SRGAP2C: variants seen among roughly 807,000 people sequenced by gnomAD.
SRGAP2C encodes SLIT-ROBO Rho GTPase activating protein 2C.
SRGAP2C carries 15 observed loss-of-function variants against 25.1 expected under a neutral mutation model. That is an observed-to-expected ratio of 0.60 (90% CI 0.40 to 0.92). SRGAP2C has a LOEUF of 0.92. Ranked by LOEUF, SRGAP2C falls within the 40% of genes least tolerant of loss-of-function variation. The pLI is 0.00. For missense variants in SRGAP2C, 144 were observed against 264.4 expected, an observed-to-expected ratio of 0.54 and a Z score of 3.16; for synonymous variants, 44 against 96.6, an observed-to-expected ratio of 0.46 and a Z score of 3.19.
At chr1:121,335,147 G>A (rs1658483412) in intron 4 of SRGAP2C, among the ~76,000 whole-genome samples, 1 of 150,788 alleles carries the variant, frequency 6.6e-6, no homozygotes, top group South Asian at 2.1e-4. Flanking sequence ...ACAAAAATTA[G>A]CTGGGCATGG....
chr1:121,259,645 A>G (rs1366424732), intron 2 of SRGAP2C, among the ~76,000 whole-genome samples: 3 of 151,702 alleles, frequency 2.0e-5, no homozygotes, highest in Non-Finnish European at 4.4e-5. Flanking sequence ...ACTACTCTAG[A>G]TGCTTTATTT....
intron 2 of SRGAP2C, among the ~76,000 whole-genome samples, chr1:121,277,490 TC>T (rs1237692670): frequency 1.3e-5 from 2 of 150,174 alleles, no homozygotes; most frequent in Non-Finnish European, 3.0e-5. Context: ...CAAGCAGTCC[TC>T]CCATCTGGGC....
rs1255636766 is a variant in SRGAP2C, at chr1:121,389,313, AATC to A, written c.*1461_*1463del. 9.8e-5 allele frequency: 13 copies of A among 132,578 alleles called. No individual in the cohort carries two copies. The highest frequency in any genetic ancestry group is 3.4e-4 in the African/African-American group (12 of 35,114). 8.2% of individuals were successfully genotyped at this position (132,578 alleles called of 1,614,324 possible). A position where few individuals can be genotyped will look rare whatever the true frequency, so the allele number is the denominator to read the frequency against. ...CACCATCATCATTAATTTATTTATTAATCATTATTAAATTATTCATTGATCATT... is the reference window on the plus strand; with the variant it reads ...CACCATCATCATTAATTTATTTATTAATTATTAAATTATTCATTGATCATT... On this transcript the variant is annotated 3_prime_UTR_variant, in exon 10 of 10. Coordinates refer to ENST00000367123, the MANE Select transcript of SRGAP2C (RefSeq NM_001329984.2).
intron 2 of SRGAP2C, among the ~76,000 whole-genome samples, chr1:121,263,430 CA>C (rs1182973540): frequency 4.4e-4 from 39 of 87,978 alleles, no homozygotes; most frequent in Admixed American, 1.0e-3. Flanking sequence ...GACTCCGTCT[CA>C]AAAAAAAAAA....
chr1:121,228,894 G>T (rs1405890006), intron 2 of SRGAP2C, among the ~76,000 whole-genome samples: 1 of 151,878 alleles, frequency 6.6e-6, no homozygotes, highest in African/African-American at 2.4e-5. Flanking sequence ...TGATGCCAGG[G>T]AGAGGGAGCC....
chr1:121,250,257 C>G (rs1382282844), intron 2 of SRGAP2C, among the ~76,000 whole-genome samples: 1 of 93,964 alleles, frequency 1.1e-5, no homozygotes, highest in Non-Finnish European at 2.2e-5. Context: ...AATGCGGACT[C>G]CCCTAAATAG....
intron 3 of SRGAP2C, among the ~76,000 whole-genome samples, chr1:121,313,645 T>G (rs1195338759): frequency 8.6e-6 from 1 of 116,368 alleles, no homozygotes; most frequent in African/African-American, 3.3e-5. Flanking sequence ...TCTCAGCATT[T>G]GCTTGTCTGT....
At chr1:121,263,430 C>CAAAAAAAAA (rs1182973540) in intron 2 of SRGAP2C, among the ~76,000 whole-genome samples, 1 of 88,000 alleles carries the variant, frequency 1.1e-5, no homozygotes, top group African/African-American at 4.0e-5. Flanking sequence ...GACTCCGTCT[C>CAAAAAAAAA]AAAAAAAAAA....
intron 2 of SRGAP2C, among the ~76,000 whole-genome samples, chr1:121,222,515 G>A (rs1242806994): frequency 1.1e-4 from 16 of 152,128 alleles, no homozygotes; most frequent in African/African-American, 3.9e-4. Flanking sequence ...TGTGGTCGCA[G>A]GTACTTGGGA....
intron 2 of SRGAP2C, among the ~76,000 whole-genome samples, chr1:121,219,093 T>C (rs1164531497): frequency 6.6e-6 from 1 of 152,102 alleles, no homozygotes. Flanking sequence ...TTTATACTCA[T>C]ATTTCACTTG....
At chr1:121,232,662 A>T (rs1214161196) in intron 2 of SRGAP2C, among the ~76,000 whole-genome samples, 2 of 151,806 alleles carry the variant, frequency 1.3e-5, no homozygotes, top group Admixed American at 1.3e-4. Context: ...CATAGTTTAC[A>T]CTGACATATT....
intron 4 of SRGAP2C, among the ~76,000 whole-genome samples, chr1:121,348,709 G>C (rs1658816013): frequency 6.7e-6 from 1 of 149,212 alleles, no homozygotes. Flanking sequence ...ATACAGATAA[G>C]ACAAAATAGC....
chr1:121,189,123 T>TTTTTA (rs1247236788), intron 2 of SRGAP2C, among the ~76,000 whole-genome samples: 2 of 84,064 alleles, frequency 2.4e-5, no homozygotes, highest in Non-Finnish European at 2.3e-5. Context: ...TTTTTTTTTT[T>TTTTTA]AACACATCCT....
At chr1:121,280,409 G>C (rs1230588840) in intron 2 of SRGAP2C, among the ~76,000 whole-genome samples, 1 of 151,536 alleles carries the variant, frequency 6.6e-6, no homozygotes, top group Admixed American at 6.6e-5. Context: ...TTATAATAAA[G>C]AATATTTAAA....
chr1:121,255,056 C>T (rs1260944969), intron 2 of SRGAP2C, among the ~76,000 whole-genome samples: 1 of 151,162 alleles, frequency 6.6e-6, no homozygotes, highest in East Asian at 1.9e-4. Context: ...GAAACTTTCT[C>T]CCTGAAGGGG....
intron 2 of SRGAP2C, among the ~76,000 whole-genome samples, chr1:121,271,089 G>A (rs781637200): frequency 5.5e-4 from 84 of 151,482 alleles, no homozygotes; most frequent in Non-Finnish European, 1.0e-3. Context: ...GAGCCACCGC[G>A]CCCAGCTGGA....
At chr1:121,228,680 G>T (rs1201482377) in intron 2 of SRGAP2C, among the ~76,000 whole-genome samples, 1 of 151,892 alleles carries the variant, frequency 6.6e-6, no homozygotes, top group Non-Finnish European at 1.5e-5. Flanking sequence ...TAATAGATGG[G>T]CAACAATATG....
chr1:121,374,778 C>T (rs782763949), intron 6 of SRGAP2C, 48 bp from the exon 7 acceptor site: 6 of 754,250 alleles, frequency 8.0e-6, no homozygotes, highest in East Asian at 5.0e-5. Context: ...AGAGAACAAG[C>T]CCCCCTTTAA....
intron 3 of SRGAP2C, among the ~76,000 whole-genome samples, chr1:121,286,445 A>G (rs1657369069): frequency 6.6e-6 from 1 of 151,710 alleles, no homozygotes; most frequent in Admixed American, 6.6e-5. Context: ...TTTTGTAGAC[A>G]CAGGGTTTCG....
Sources: gnomAD v4.1 joint callset for allele counts (sites outside exome capture counted in the v4.1 genomes callset) on GRCh38, gnomAD v4.1.1 for gene constraint, MANE v1.5 for transcripts, NCBI Gene and HGNC (gene_info 2026-07-23, HGNC 2026-07-21) for gene names.